Variants in CNTNAP2 observed in about 807,000 individuals in gnomAD.
CNTNAP2 encodes contactin associated protein 2, also known as contactin-associated protein-like 2.
Under a neutral mutation model 155.2 loss-of-function variants are expected in CNTNAP2, and 98 were observed. The ratio of observed to expected loss-of-function variants is 0.63; its 90% CI spans 0.54 to 0.75. The LOEUF is 0.75. Among genes scored for constraint, CNTNAP2 ranks in the 30% least tolerant of loss-of-function variants. The pLI is 0.00. For missense variants in CNTNAP2, 1,727 were observed against 1,688.1 expected (o/e 1.02, Z -0.40); for synonymous variants, 651 against 631.2 (o/e 1.03, Z -0.47).
At chr7:147,726,614 C>G (rs1236356771) in intron 13 of CNTNAP2, among the ~76,000 whole-genome samples, 1 of 151,966 alleles carries the variant, frequency 6.6e-6, no homozygotes. Context: ...ACGTCTTTGT[C>G]CTGGGTCAGG....
At chr7:146,536,991 A>G (rs1360656455) in intron 1 of CNTNAP2, among the ~76,000 whole-genome samples, 2 of 152,290 alleles carry the variant, frequency 1.3e-5, no homozygotes, top group East Asian at 1.9e-4. Flanking sequence ...AATCTTGTGT[A>G]AGGTAGAAAG....
chr7:147,912,344 T>C (rs990304825), intron 14 of CNTNAP2, among the ~76,000 whole-genome samples: 1 of 152,278 alleles, frequency 6.6e-6, no homozygotes. Context: ...AAACAACTCA[T>C]TGGGCCCCTC....
chr7:147,623,390 TAAAC>T (rs1184331171), intron 12 of CNTNAP2, among the ~76,000 whole-genome samples: 3 of 152,008 alleles, frequency 2.0e-5, no homozygotes, highest in African/African-American at 7.2e-5. Context: ...TTAGAACTGA[TAAAC>T]AAATTCTGCA....
chr7:146,607,755 A>G (rs1330851481), intron 1 of CNTNAP2, among the ~76,000 whole-genome samples: 2 of 152,032 alleles, frequency 1.3e-5, no homozygotes, highest in African/African-American at 4.8e-5. Context: ...TGTGATTACA[A>G]ACATGAGCCA....
intron 9 of CNTNAP2, among the ~76,000 whole-genome samples, chr7:147,363,803 C>T (rs1455457012): frequency 1.3e-5 from 2 of 152,192 alleles, no homozygotes; most frequent in African/African-American, 4.8e-5. Context: ...AGGCTCAATT[C>T]TCCAATGCCA....
chr7:146,686,101 A>T (rs116991271), intron 1 of CNTNAP2, among the ~76,000 whole-genome samples: 3,558 of 152,214 alleles, frequency 0.023, 63 homozygotes, highest in Non-Finnish European at 0.038. Context: ...GTTTAAGATC[A>T]TCCTGGGCAA....
intron 21 of CNTNAP2, among the ~76,000 whole-genome samples, chr7:148,310,109 C>A (rs1398152792): frequency 6.6e-6 from 1 of 152,018 alleles, no homozygotes; most frequent in South Asian, 2.1e-4. Flanking sequence ...AAAAACTATA[C>A]GGAATAAGAG....
At chr7:146,915,562 C>T (rs369548566) in intron 3 of CNTNAP2, among the ~76,000 whole-genome samples, 40 of 151,202 alleles carry the variant, frequency 2.6e-4, no homozygotes, top group African/African-American at 9.2e-4. Context: ...TTTTTTTGTT[C>T]GTTTGTTTGT....
At chr7:148,373,161 AAT>A (rs1491090918) in intron 21 of CNTNAP2, among the ~76,000 whole-genome samples, 2 of 152,146 alleles carry the variant, frequency 1.3e-5, no homozygotes, top group Non-Finnish European at 2.9e-5. Context: ...AAAAATAAAA[AAT>A]AAAAAAAAAG....
At chr7:146,452,203 G>A (rs760318728) in intron 1 of CNTNAP2, among the ~76,000 whole-genome samples, 4 of 151,794 alleles carry the variant, frequency 2.6e-5, no homozygotes, top group South Asian at 2.1e-4. Context: ...CACTGCGCCC[G>A]GCCTCTTCTA....
chr7:147,575,109 G>A (rs9718902), intron 12 of CNTNAP2, among the ~76,000 whole-genome samples: 14,703 of 80,882 alleles, frequency 0.18, 1,229 homozygotes, highest in African/African-American at 0.19. Flanking sequence ...TGTGGGAAAT[G>A]TGTGTGTGTG....
chr7:147,877,468 C>G (rs1194664379), intron 13 of CNTNAP2, among the ~76,000 whole-genome samples: 2 of 152,174 alleles, frequency 1.3e-5, no homozygotes, highest in Non-Finnish European at 2.9e-5. Context: ...GAATACTTAA[C>G]TAATATTTGA....
intron 1 of CNTNAP2, among the ~76,000 whole-genome samples, chr7:146,442,301 T>C (rs1796330801): frequency 1.3e-5 from 2 of 151,656 alleles, no homozygotes; most frequent in Non-Finnish European, 1.5e-5. Context: ...TTTTGAATGT[T>C]TGCACTTTCT....
chr7:146,313,028 G>A (rs935478927), intron 1 of CNTNAP2, among the ~76,000 whole-genome samples: 6 of 152,216 alleles, frequency 3.9e-5, no homozygotes, highest in African/African-American at 1.2e-4. Flanking sequence ...TGGGAATGCC[G>A]ATATCTCCTT....
At chr7:148,352,723 G>C (rs927563300) in intron 21 of CNTNAP2, among the ~76,000 whole-genome samples, 1 of 152,212 alleles carries the variant, frequency 6.6e-6, no homozygotes, top group Non-Finnish European at 1.5e-5. Context: ...GGGGGCTGTG[G>C]CTTGCCCAAG....
At chr7:146,920,028 G>T (rs887575530) in intron 3 of CNTNAP2, among the ~76,000 whole-genome samples, 3 of 152,210 alleles carry the variant, frequency 2.0e-5, no homozygotes, top group Admixed American at 2.0e-4. Flanking sequence ...ATAATAATAA[G>T]ATTTAATAAA....
At chr7:146,498,338 A>C (rs1340277379) in intron 1 of CNTNAP2, among the ~76,000 whole-genome samples, 1 of 152,104 alleles carries the variant, frequency 6.6e-6, no homozygotes, top group East Asian at 1.9e-4. Flanking sequence ...AAACATCAAA[A>C]TTTCCTCCAC....
At chr7:147,662,955 C>G (rs1373702233) in intron 13 of CNTNAP2, among the ~76,000 whole-genome samples, 2 of 152,058 alleles carry the variant, frequency 1.3e-5, no homozygotes, top group African/African-American at 4.8e-5. Flanking sequence ...AGTTTTAGAG[C>G]GTGATTTTTT....
chr7:147,453,308 C>G (rs1797864280), intron 10 of CNTNAP2, among the ~76,000 whole-genome samples: 1 of 152,160 alleles, frequency 6.6e-6, no homozygotes, highest in African/African-American at 2.4e-5. Flanking sequence ...ATCAGAGACA[C>G]CGGCCTTCCT....
Sources: allele counts gnomAD v4.1 joint callset (sites outside exome capture counted in the v4.1 genomes callset), GRCh38; gene constraint gnomAD v4.1.1; transcripts MANE v1.5; gene names NCBI Gene and HGNC (gene_info 2026-07-23, HGNC 2026-07-21).